MYOM3: variants seen among roughly 807,000 people sequenced by gnomAD.
MYOM3 encodes the protein myomesin 3, also known as myomesin-3.
Under a neutral mutation model 191.7 loss-of-function variants are expected in MYOM3, and 155 were observed. The ratio of observed to expected loss-of-function variants is 0.81; its 90% confidence interval spans 0.71 to 0.92. The LOEUF (loss-of-function observed/expected upper bound fraction) is 0.92, where lower values mean the gene tolerates loss of function less well. Ranked by LOEUF, MYOM3 falls within the 40% of genes least tolerant of loss-of-function variation. The pLI, the probability that MYOM3 is intolerant of heterozygous loss-of-function variation, is 0.00. For missense variants in MYOM3, 1,889 were observed against 1,890.6 expected (o/e 1.00, Z 0.02); for synonymous variants, 757 against 762.9 (o/e 0.99, Z 0.13).
intron 5 of MYOM3, among the ~76,000 whole-genome samples, 163 bp downstream of exon 5, chr1:24,105,757 A>C (rs1643976791): frequency 6.6e-6 from 1 of 152,166 alleles, no homozygotes; most frequent in South Asian, 2.1e-4. Flanking sequence ...GCCTCTAAAA[A>C]AAATAACCCA....
intron 28 of MYOM3, chr1:24,066,539 A>T (rs1432658744): frequency 2.3e-6 from 1 of 432,264 alleles, no homozygotes; most frequent in African/African-American, 2.0e-5. Flanking sequence ...CTTTGGAATC[A>T]GATAGACTTG....
chr1:24,096,450 G>A (rs971657367), intron 7 of MYOM3, among the ~76,000 whole-genome samples: 1 of 152,162 alleles, frequency 6.6e-6, no homozygotes, highest in African/African-American at 2.4e-5. Flanking sequence ...TGGGAAGGAC[G>A]GGTGGGCAGA....
chr1:24,105,604 C>T (rs1570889040), intron 5 of MYOM3, among the ~76,000 whole-genome samples: 1 of 152,230 alleles, frequency 6.6e-6, no homozygotes, highest in East Asian at 1.9e-4. Context: ...AAGAATAACC[C>T]AGGCCTAAGC....
At chr1:24,091,247 C>A (rs1164409281) in intron 11 of MYOM3, among the ~76,000 whole-genome samples, 1 of 152,210 alleles carries the variant, frequency 6.6e-6, no homozygotes, top group Non-Finnish European at 1.5e-5. Context: ...TGTGCTGTGC[C>A]CTCCACACCC....
chr1:24,075,461 C>T lies in MYOM3; in HGVS notation c.2716G>A (p.Glu906Lys), dbSNP rs138285469. 109 of 1,578,772 alleles carry T rather than the reference C, an allele frequency of 6.9e-5. No homozygotes were observed. The Middle Eastern group carries it at 2.2e-3, about 32-fold the overall frequency. Residue 906 changes from glutamate (E) to lysine (K), a missense_variant, in exon 22 of 37, where the codon GAG (glutamate) becomes AAG (lysine). Transcript: ENST00000374434. ...LEDKPGAHEI[E>K]VGVDEEGFIY... ...AAGCCCTCTTCATCCACACCAACCT[C>T]GATCTCATGGGCACCTGAGGGCGAG...
chr1:24,069,693 T>C (rs1336351042), intron 25 of MYOM3, among the ~76,000 whole-genome samples: 1 of 151,472 alleles, frequency 6.6e-6, no homozygotes, highest in Non-Finnish European at 1.5e-5. Context: ...CACTGCAACC[T>C]CTGTCTCCCG....
At chr1:24,093,931 G>C (rs772195577) in intron 9 of MYOM3, among the ~76,000 whole-genome samples, 4 of 152,068 alleles carry the variant, frequency 2.6e-5, no homozygotes, top group Admixed American at 6.5e-5. Context: ...TCCAGCCGTC[G>C]TCCTCCTCCC....
At chr1:24,068,051 C>G in intron 26 of MYOM3, 22 bp from the exon 27 acceptor site, 1 of 1,613,890 alleles carries the variant, frequency 6.2e-7, no homozygotes. Context: ...GAGGGAGGAA[C>G]TGGCATGAGC....
At position 24,087,017 on chromosome 1, in the gene MYOM3, C is replaced by T. The variant is rs1338867067; in HGVS notation, c.1615-190G>A. Among the ~76,000 whole-genome samples, 1 of 152,146 alleles carries T rather than the reference C, an allele frequency of 6.6e-6. No individual in the cohort carries two copies. Among genetic ancestry groups the T allele is most frequent in the Non-Finnish European group, 1.5e-5 (1 of 68,012 alleles). ...TCTCCACCCGGATTCCTACCGAGACCTCACGTCCAGCCTGTCCACAACGCG... is the reference window on the plus strand; with the variant it reads ...TCTCCACCCGGATTCCTACCGAGACTTCACGTCCAGCCTGTCCACAACGCG... On this transcript the variant is annotated intron_variant, in intron 14 of 36. Transcript: ENST00000374434. This position sits in a 1 kb window ranked among gnomAD's most constrained non-coding sequence, Gnocchi z 4.5.
At chr1:24,089,127 G>C (rs1443654681) in intron 14 of MYOM3, among the ~76,000 whole-genome samples, 2 of 152,148 alleles carry the variant, frequency 1.3e-5, no homozygotes, top group Non-Finnish European at 2.9e-5. Flanking sequence ...CTCTGCAAGT[G>C]CTGCTGGTGC....
intron 1 of MYOM3, among the ~76,000 whole-genome samples, chr1:24,110,298 C>T (rs1480054577): frequency 2.0e-5 from 3 of 152,092 alleles, no homozygotes; most frequent in Non-Finnish European, 2.9e-5. Flanking sequence ...TCAGCTCTGT[C>T]TGGCCCCTGC....
At chr1:24,092,125 A>G (rs533160399) in intron 11 of MYOM3, 49 bp downstream of exon 11, 16 of 1,398,946 alleles carry the variant, frequency 1.1e-5, no homozygotes, top group Admixed American at 2.8e-5. Context: ...TCCCACCACC[A>G]GACAGAATTC....
intron 11 of MYOM3, 151 bp downstream of exon 11, chr1:24,092,023 G>C (rs930865506): frequency 3.0e-6 from 2 of 660,178 alleles, no homozygotes; most frequent in Non-Finnish European, 4.5e-6. Context: ...GCCCCTAAAT[G>C]ACACAGCACA....
At chr1:24,081,877 G>C in intron 18 of MYOM3, 124 bp downstream of exon 18, 4 of 960,586 alleles carry the variant, frequency 4.2e-6, no homozygotes, top group Non-Finnish European at 4.6e-6. Flanking sequence ...AAATGATCTC[G>C]ATGGCTGAGG....
At position 24,068,233 on chromosome 1, in the gene MYOM3, C is replaced by T. The variant is rs34027950; in HGVS notation, c.3285G>A (p.Leu1095=). The T allele has an allele frequency of 4.9e-5, 79 of 1,614,008 alleles. No individual in the cohort carries two copies. Among genetic ancestry groups the T allele is most frequent in the Non-Finnish European group, 6.4e-5 (75 of 1,180,020 alleles). The change falls in exon 26 of 37, where the codon CTG becomes CTA. Residue 1095 remains leucine (L), a synonymous_variant. Coordinates refer to ENST00000374434, the MANE Select transcript of MYOM3 (RefSeq NM_152372.4). ...CTGGGCATGGCTGACCGTCATCCACCAGTGTCAAGGTAATCTGGTTTTTGG... is the reference window on the plus strand; with the variant it reads ...CTGGGCATGGCTGACCGTCATCCACTAGTGTCAAGGTAATCTGGTTTTTGG... ...GKAKNQITLT[L]VDDDFDKLLR... is the part of the protein sequence containing the mutation.
At chr1:24,067,328 CTTTCTT>C (rs1643454321) in intron 27 of MYOM3, among the ~76,000 whole-genome samples, 1 of 48,434 alleles carries the variant, frequency 2.1e-5, no homozygotes, top group African/African-American at 7.7e-5. Flanking sequence ...TTCTTTCCTT[CTTTCTT>C]TCTTTCTTTC....
intron 22 of MYOM3, 34 bp downstream of exon 22, chr1:24,075,285 G>A (rs575802805): frequency 3.0e-5 from 48 of 1,608,784 alleles, no homozygotes; most frequent in Admixed American, 8.4e-5. Flanking sequence ...TTTGGGTCCC[G>A]TTGAGCAGTT....
In MYOM3 at chr1:24,062,585, G is replaced by A. The variant is rs1643383890; in HGVS notation, c.3771-476C>T. ...AAAACTCTGCTGTTGGATTATCTGG[G>A]GCCACTCAGAGAGTGGCTGAGTCTC... On this transcript the variant is annotated intron_variant, in intron 32 of 36. Coordinates refer to ENST00000374434, the MANE Select transcript of MYOM3 (RefSeq NM_152372.4). 2.0e-5 allele frequency among the ~76,000 whole-genome samples: 3 copies of A among 152,058 alleles called. No individual in the cohort carries two copies. In the South Asian group the frequency reaches 6.2e-4, roughly 32 times the overall value.
Position 24,092,160 on chromosome 1 carries a change from C to T in MYOM3, c.1232+14G>A, listed in dbSNP as rs541001023. On this transcript the variant is annotated intron_variant, in intron 11 of 36. Transcript: ENST00000374434. ...CTACCCCTAGGGCCTCTGCCACTCA[C>T]GAGGTCGACTCACCGCTCAATGGTG... is the stretch of plus-strand genomic sequence containing the variant. The T allele has an allele frequency of 2.0e-4, 292 of 1,448,330 alleles. 5 individuals carry two copies. The South Asian group carries it at 3.8e-3, about 19-fold the overall frequency. 89.7% of individuals were successfully genotyped at this position (1,448,330 alleles called of 1,614,324 possible).
Sources: gnomAD v4.1 joint callset for allele counts (sites outside exome capture counted in the v4.1 genomes callset) on GRCh38, gnomAD v4.1.1 for gene constraint, Gnocchi (gnomAD v3.1) non-coding constraint, MANE v1.5 for transcripts, NCBI Gene and HGNC (gene_info 2026-07-23, HGNC 2026-07-21) for gene names.